Variants in IL1RAPL1 observed in about 807,000 individuals in gnomAD.
IL1RAPL1 encodes the protein interleukin-1 receptor accessory protein-like 1.
A neutral mutation model predicts 48.4 loss-of-function variants in IL1RAPL1; 3 were observed. The ratio of observed to expected loss-of-function variants is 0.06; its 90% CI spans 0.03 to 0.16. The LOEUF is 0.16. IL1RAPL1 is among the 10% of genes least tolerant of loss of function. The pLI is 1.00. For synonymous variants in IL1RAPL1, 185 were observed against 187.7 expected, an observed-to-expected ratio of 0.99 and a Z score of 0.12; for missense variants, 349 against 530.6, an observed-to-expected ratio of 0.66 and a Z score of 3.36.
rs185676438 is a variant in IL1RAPL1, at chrX:29,952,347, A to G, written c.1202-2175A>G. ...AGCATATGCCCAAAATAATACTACAATCCACAATCTGGCCTGAGGAGTCCT... is the reference window on the plus strand; with the variant it reads ...AGCATATGCCCAAAATAATACTACAGTCCACAATCTGGCCTGAGGAGTCCT... On this transcript the variant is annotated intron_variant, in intron 9 of 10. Transcript: ENST00000378993. Among the ~76,000 whole-genome samples the G allele has an allele frequency of 1.1e-3, 124 of 111,569 alleles. 1 individual carries two copies. The highest frequency in any genetic ancestry group is 3.3e-3 in the Admixed American group (35 of 10,516).
chrX:28,909,685 T>A (rs1161275581), intron 2 of IL1RAPL1, among the ~76,000 whole-genome samples: 1 of 111,725 alleles, frequency 9.0e-6, no homozygotes, highest in African/African-American at 3.2e-5. Flanking sequence ...TTTTATAAAA[T>A]ACAATCCTTT....
chrX:29,301,583 T>C (rs1426464707), intron 3 of IL1RAPL1, among the ~76,000 whole-genome samples: 1 of 111,984 alleles, frequency 8.9e-6, no homozygotes, highest in Non-Finnish European at 1.9e-5. Context: ...CTTTTTAATA[T>C]ATGTAATTCA....
chrX:28,735,115 CA>C (rs1264650605), intron 1 of IL1RAPL1, among the ~76,000 whole-genome samples: 1 of 111,815 alleles, frequency 8.9e-6, no homozygotes. Context: ...ACATTCTTGC[CA>C]ACTGTGATTT....
intron 5 of IL1RAPL1, among the ~76,000 whole-genome samples, chrX:29,429,885 TGTGTGTGTG>T (rs1335659748): frequency 1.9e-4 from 9 of 47,121 alleles, no homozygotes; most frequent in African/African-American, 7.6e-4. Flanking sequence ...TATATATGTG[TGTGTGTGTG>T]GTGTGTGTGT....
At chrX:28,604,336 G>A (rs921794578) in intron 1 of IL1RAPL1, among the ~76,000 whole-genome samples, 2 of 111,756 alleles carry the variant, frequency 1.8e-5, no homozygotes, top group South Asian at 3.7e-4. Flanking sequence ...TTTACTAGCT[G>A]TGTAACCTTG....
At chrX:29,182,763 A>G (rs1046671069) in intron 2 of IL1RAPL1, among the ~76,000 whole-genome samples, 1 of 111,644 alleles carries the variant, frequency 9.0e-6, no homozygotes, top group Non-Finnish European at 1.9e-5. Flanking sequence ...ACCTGTGAAT[A>G]TGTTAGCATA....
intron 1 of IL1RAPL1, among the ~76,000 whole-genome samples, chrX:28,729,216 A>G: frequency 8.9e-6 from 1 of 111,838 alleles, no homozygotes; most frequent in Non-Finnish European, 1.9e-5. Context: ...TATGTATAAA[A>G]TTCCCATTGG....
chrX:29,766,342 A>AAAAATAT (rs1200679211), intron 6 of IL1RAPL1, among the ~76,000 whole-genome samples: 1 of 47,542 alleles, frequency 2.1e-5, no homozygotes, highest in African/African-American at 9.0e-5. Context: ...AAAAAAAAAA[A>AAAAATAT]ATATATATAT....
At chrX:28,782,105 A>T (rs1383189880) in intron 1 of IL1RAPL1, among the ~76,000 whole-genome samples, 2 of 110,920 alleles carry the variant, frequency 1.8e-5, no homozygotes, top group Non-Finnish European at 3.8e-5. Flanking sequence ...TATTCACTTG[A>T]TTTGTTCATT....
At chrX:28,674,350 C>T (rs1390699011) in intron 1 of IL1RAPL1, among the ~76,000 whole-genome samples, 1 of 110,873 alleles carries the variant, frequency 9.0e-6, no homozygotes, top group African/African-American at 3.3e-5. Context: ...ATCAATTGCA[C>T]CACCACCCCC....
intron 7 of IL1RAPL1, 89 bp from the exon 8 acceptor site, chrX:29,919,860 T>C (rs1601883819): frequency 3.3e-6 from 3 of 907,145 alleles, no homozygotes; most frequent in Non-Finnish European, 4.8e-6. Context: ...TAGGTAGTTT[T>C]ACATCAGATT....
chrX:29,796,171 T>A (rs754183274), intron 6 of IL1RAPL1, among the ~76,000 whole-genome samples: 2 of 112,334 alleles, frequency 1.8e-5, no homozygotes, highest in South Asian at 7.4e-4. Flanking sequence ...GCTTTAGATA[T>A]CAACAGAACT....
At chrX:29,633,502 C>CAT (rs906522318) in intron 5 of IL1RAPL1, among the ~76,000 whole-genome samples, 3 of 104,803 alleles carry the variant, frequency 2.9e-5, no homozygotes, top group Admixed American at 2.0e-4. Context: ...CACACACACA[C>CAT]ATATATATGA....
chrX:29,790,768 C>G (rs1209119667), intron 6 of IL1RAPL1, among the ~76,000 whole-genome samples: 1 of 111,562 alleles, frequency 9.0e-6, no homozygotes, highest in Non-Finnish European at 1.9e-5. Flanking sequence ...GCAAGCTTCC[C>G]CACTGGTCTC....
chrX:29,545,149 C>G (rs1921575826), intron 5 of IL1RAPL1, among the ~76,000 whole-genome samples: 1 of 109,895 alleles, frequency 9.1e-6, no homozygotes, highest in Admixed American at 9.9e-5. Context: ...GTCTGTTGTA[C>G]TTTGTTACTG....
intron 5 of IL1RAPL1, among the ~76,000 whole-genome samples, chrX:29,648,962 A>G (rs1229880003): frequency 8.9e-6 from 1 of 112,001 alleles, no homozygotes; most frequent in Admixed American, 9.5e-5. Context: ...AATGCAAAGG[A>G]TCATAAGAGA....
rs780260852 is a variant in IL1RAPL1, at chrX:29,823,066, G to A, written c.779-94398G>A. ...CTCCAATGTAAAGGAAATAAACTTG[G>A]GAAGATTGTGCATGTTCTTGAATGT... On this transcript the variant is annotated intron_variant, in intron 6 of 10. Transcript: ENST00000378993. Among the ~76,000 whole-genome samples the A allele has an allele frequency of 2.7e-5, 3 of 111,993 alleles. No individual in the cohort carries two copies. In the East Asian group the frequency reaches 8.4e-4, roughly 31 times the overall value.
rs1246211810 is a variant in IL1RAPL1 at position 28,792,838 on chromosome X, TATATATATATATAA to T, written c.82+3415_82+3428del. ...AAAAATATATATATATATATATATA[TATATATATATATAA>T]AAAATAAGGCAATTATATCATTATA... On this transcript the variant is annotated intron_variant, in intron 2 of 10. Coordinates refer to ENST00000378993, the MANE Select transcript of IL1RAPL1 (RefSeq NM_014271.4). Among the ~76,000 whole-genome samples the T allele has an allele frequency of 8.9e-4, 54 of 60,631 alleles. 2 individuals carry two copies. The highest frequency in any genetic ancestry group is 3.6e-3 in the African/African-American group (44 of 12,295). 52.7% of individuals were successfully genotyped at this position (60,631 alleles called of 115,157 possible).
At chrX:29,681,552 G>T (rs181860011) in intron 6 of IL1RAPL1, among the ~76,000 whole-genome samples, 295 of 112,105 alleles carry the variant, frequency 2.6e-3, no homozygotes, top group Middle Eastern at 4.6e-3. Flanking sequence ...GTTAACAAAA[G>T]TAGAAATGTC....
Sources: allele counts gnomAD v4.1 joint callset (sites outside exome capture counted in the v4.1 genomes callset), GRCh38; gene constraint gnomAD v4.1.1; transcripts MANE v1.5; gene names NCBI Gene and HGNC (gene_info 2026-07-23, HGNC 2026-07-21).